Variants in LGMN observed in about 807,000 individuals in gnomAD.
LGMN encodes legumain, also known as asparaginyl endopeptidase.
In LGMN, 36 loss-of-function variants were observed where a neutral mutation model predicts 56.8. The observed-to-expected ratio is 0.63, with a 90% confidence interval of 0.49 to 0.84. The LOEUF (loss-of-function observed/expected upper bound fraction) is 0.84, where lower values mean the gene tolerates loss of function less well. Among genes scored for constraint, LGMN ranks in the 40% least tolerant of loss-of-function variants. The pLI, the probability that LGMN is intolerant of heterozygous loss-of-function variation, is 0.00. For synonymous variants in LGMN, 199 were observed against 210.1 expected (o/e 0.95, Z 0.46); for missense variants, 446 against 556.1 (o/e 0.80, Z 1.99).
At chr14:92,709,612 C>T in intron 11 of LGMN, 60 bp downstream of exon 11, 2 of 1,407,482 alleles carry the variant, frequency 1.4e-6, no homozygotes, top group Non-Finnish European at 2.0e-6. Flanking sequence ...CGTGCTCATG[C>T]ATGCTGCCCA....
At chr14:92,720,794 C>T (rs570832843) in intron 2 of LGMN, among the ~76,000 whole-genome samples, 156 of 152,296 alleles carry the variant, frequency 1.0e-3, no homozygotes, top group African/African-American at 3.5e-3. Context: ...ATTAAGATAG[C>T]GGATGGACTT....
Position 92,711,588 on chromosome 14 carries a change from G to A in LGMN, c.819+71C>T, listed in dbSNP as rs112215000. 236 of 1,337,316 alleles carry A rather than the reference G, an allele frequency of 1.8e-4. No individual in the cohort carries two copies. In the African/African-American group the frequency reaches 3.1e-3, roughly 18 times the overall value. 82.8% of individuals were successfully genotyped at this position (1,337,316 alleles called of 1,614,324 possible). A position where few individuals can be genotyped will look rare whatever the true frequency, so the allele number is the denominator to read the frequency against. On this transcript the variant is annotated intron_variant, in intron 10 of 13. Coordinates refer to ENST00000334869, the MANE Select transcript of LGMN (RefSeq NM_005606.7). ...CAGATCCCATGTCTCTTTAGCAAGAGATCAATATTCCAGGCAAGTCCACCT... is the reference window on the plus strand; with the variant it reads ...CAGATCCCATGTCTCTTTAGCAAGAAATCAATATTCCAGGCAAGTCCACCT...
chr14:92,731,208 T>C (rs1226622922), intron 2 of LGMN, among the ~76,000 whole-genome samples: 1 of 152,224 alleles, frequency 6.6e-6, no homozygotes, highest in Non-Finnish European at 1.5e-5. Context: ...TAAAGCGCTC[T>C]TAGAAGAGAG....
At chr14:92,706,686 T>C (rs747730413) in intron 11 of LGMN, 33 bp from the exon 12 acceptor site, 26 of 1,527,150 alleles carry the variant, frequency 1.7e-5, no homozygotes, top group Non-Finnish European at 2.1e-5. Flanking sequence ...AGAATGTGCC[T>C]CCCTGAATGC....
chr14:92,712,721 A>T, intron 8 of LGMN, 84 bp downstream of exon 8: 2 of 1,325,164 alleles, frequency 1.5e-6, no homozygotes, highest in Non-Finnish European at 2.1e-6. Flanking sequence ...GCCCCTGCTT[A>T]CGGAGAATGC....
At chr14:92,712,640 T>C in intron 8 of LGMN, 165 bp downstream of exon 8, 1 of 633,790 alleles carries the variant, frequency 1.6e-6, no homozygotes, top group Middle Eastern at 2.6e-4. Context: ...TACCAGTGCT[T>C]CAGAAGCAGA....
At chr14:92,730,590 T>C (rs1891002064) in intron 2 of LGMN, among the ~76,000 whole-genome samples, 4 of 152,146 alleles carry the variant, frequency 2.6e-5, no homozygotes, top group Admixed American at 1.3e-4. Context: ...TGGTATCTTA[T>C]TATTAATTTT....
intron 2 of LGMN, among the ~76,000 whole-genome samples, chr14:92,719,272 G>GCCACCGCCA: frequency 6.0e-5 from 1 of 16,636 alleles, no homozygotes; most frequent in Admixed American, 6.3e-4. Context: ...CACCGCCGCC[G>GCCACCGCCA]CCGCCACCGC....
At chr14:92,716,470 T>C (rs1890083890) in intron 4 of LGMN, among the ~76,000 whole-genome samples, 1 of 152,122 alleles carries the variant, frequency 6.6e-6, no homozygotes, top group Non-Finnish European at 1.5e-5. Context: ...CCATCTCTAC[T>C]GAAAGTAGAA....
intron 1 of LGMN, chr14:92,741,332 G>A (rs557694320): frequency 6.6e-6 from 1 of 152,166 alleles, no homozygotes; most frequent in Non-Finnish European, 1.5e-5. Context: ...AAGTTCACAG[G>A]GCCATCTAAG....
chr14:92,747,187 G>C (rs1490223430), intron 1 of LGMN, among the ~76,000 whole-genome samples: 1 of 151,964 alleles, frequency 6.6e-6, no homozygotes, highest in Non-Finnish European at 1.5e-5. Context: ...ATCTCACTAG[G>C]TTCTGCCCAG....
intron 3 of LGMN, 103 bp downstream of exon 3, chr14:92,718,644 T>C (rs1478805091): frequency 2.9e-6 from 2 of 680,272 alleles, no homozygotes; most frequent in African/African-American, 1.8e-5. Flanking sequence ...GAGTCTCTTA[T>C]ATATTTTAAC....
At chr14:92,735,806 T>A (rs928369939) in intron 1 of LGMN, among the ~76,000 whole-genome samples, 4 of 152,028 alleles carry the variant, frequency 2.6e-5, no homozygotes, top group Admixed American at 2.6e-4. Flanking sequence ...TTTTCAGGTT[T>A]TTTTTTTTCT....
chr14:92,706,511 G>C lies in LGMN; in HGVS notation c.1163C>G (p.Thr388Ser). 6.3e-7 allele frequency: 1 copy of C among 1,579,980 alleles called. No individual in the cohort carries two copies. The highest frequency in any genetic ancestry group is 8.7e-7 in the Non-Finnish European group (1 of 1,154,226). ...CYPEALLHFR[T>S]HCFNWHSPTY... ...GGGGGAGTGCCAGTTGAAGCAGTGG[G>C]TCCGGAAGTGCAGCAGGGCCTCTGG... The change falls in exon 12 of 14, where the codon ACC (threonine) becomes AGC (serine). Residue 388 changes from threonine to serine, a missense_variant. Transcript: ENST00000334869.
intron 2 of LGMN, among the ~76,000 whole-genome samples, chr14:92,721,371 G>GAGCCTCC (rs1890471891): frequency 6.6e-6 from 1 of 152,126 alleles, no homozygotes; most frequent in African/African-American, 2.4e-5. Context: ...CGAGAAAGTG[G>GAGCCTCC]AGCCTCCACT....
chr14:92,725,071 A>G (rs1890676660), intron 2 of LGMN, among the ~76,000 whole-genome samples: 1 of 152,212 alleles, frequency 6.6e-6, no homozygotes, highest in Non-Finnish European at 1.5e-5. Context: ...AACTGGAGAG[A>G]AGGAATGACA....
Position 92,714,007 on chromosome 14 carries a change from G to T in LGMN, c.481-122C>A. On this transcript the variant is annotated intron_variant, in intron 6 of 13. Coordinates refer to ENST00000334869, the MANE Select transcript of LGMN (RefSeq NM_005606.7). This position sits in a 1 kb window ranked among gnomAD's most constrained non-coding sequence, Gnocchi z 5.1. ...TCTACCAATCCCTAGAAGTAATCAT[G>T]GTGAAGAACATAACCCCAGAATGTC... 1 of 789,258 alleles carries T rather than the reference G, an allele frequency of 1.3e-6. No individual in the cohort carries two copies. Among genetic ancestry groups the T allele is most frequent in the Non-Finnish European group, 2.2e-6 (1 of 448,442 alleles). The allele number at this position is 789,258 out of a possible 1,614,324, so 48.9% of individuals were successfully genotyped here. A position where few individuals can be genotyped will look rare whatever the true frequency, so the allele number is the denominator to read the frequency against.
chr14:92,738,862 T>C (rs1891422546), intron 1 of LGMN, among the ~76,000 whole-genome samples: 1 of 151,210 alleles, frequency 6.6e-6, no homozygotes. Flanking sequence ...CTACTAATAA[T>C]ACAAAAATTA....
intron 11 of LGMN, among the ~76,000 whole-genome samples, chr14:92,708,856 C>CAAAAAAAAAAAAAAAAAAAAA (rs58813848): frequency 7.0e-5 from 5 of 71,640 alleles, no homozygotes; most frequent in African/African-American, 2.1e-4. Flanking sequence ...ACTCTTGTCT[C>CAAAAAAAAAAAAAAAAAAAAA]AAAAAAAAAA....
Sources: allele counts gnomAD v4.1 joint callset (sites outside exome capture counted in the v4.1 genomes callset), GRCh38; gene constraint gnomAD v4.1.1; non-coding constraint Gnocchi (gnomAD v3.1); transcripts MANE v1.5; gene names NCBI Gene and HGNC (gene_info 2026-07-23, HGNC 2026-07-21).